HM13: variants seen among roughly 807,000 people sequenced by gnomAD.
HM13 encodes signal peptide peptidase.
HM13 carries 18 observed loss-of-function variants against 50.0 expected under a neutral mutation model. The observed-to-expected ratio is 0.36, with a 90% CI of 0.25 to 0.53. HM13 has a LOEUF of 0.53. Ranked by LOEUF, HM13 falls within the 20% of genes least tolerant of loss-of-function variation. HM13 has a pLI of 0.90. For synonymous variants in HM13, 197 were observed against 232.6 expected (o/e 0.85, Z 1.39); for missense variants, 393 against 552.4 (o/e 0.71, Z 2.89).
chr20:31,534,852 G>A (rs567853485), intron 2 of HM13, among the ~76,000 whole-genome samples: 11 of 152,174 alleles, frequency 7.2e-5, no homozygotes, highest in South Asian at 2.1e-4. Context: ...TTGGGAGGCC[G>A]AGGCGGGCAG....
intron 4 of HM13, chr20:31,547,412 G>A: frequency 2.2e-6 from 1 of 458,024 alleles, no homozygotes; most frequent in Non-Finnish European, 3.9e-6. Context: ...GGCAGGCCGC[G>A]TGGCGCCCGC....
intron 10 of HM13, among the ~76,000 whole-genome samples, chr20:31,565,567 AAAAGGAT>A (rs946879282): frequency 2.6e-5 from 4 of 151,922 alleles, no homozygotes; most frequent in Non-Finnish European, 1.5e-5. Flanking sequence ...CCTCCTCTGC[AAAAGGAT>A]AACCATCATG....
intron 8 of HM13, among the ~76,000 whole-genome samples, chr20:31,556,505 G>A (rs779297636): frequency 2.7e-4 from 41 of 152,158 alleles, no homozygotes; most frequent in Non-Finnish European, 5.6e-4. Flanking sequence ...GTGACACAGA[G>A]GCTTTCCCTG....
chr20:31,549,453 G>A (rs905703666), intron 6 of HM13, 121 bp downstream of exon 6: 76 of 1,268,300 alleles, frequency 6.0e-5, no homozygotes, highest in Admixed American at 3.6e-5. Context: ...CTGAAGTTCC[G>A]GACCGCAGAG....
In HM13 at chr20:31,568,065, C is replaced by G; in HGVS notation, c.1035-13C>G. The G allele has an allele frequency of 6.3e-7, 1 of 1,590,598 alleles. No individual in the cohort carries two copies. The highest frequency in any genetic ancestry group is 8.6e-7 in the Non-Finnish European group (1 of 1,166,832). On this transcript the variant is annotated splice_polypyrimidine_tract_variant and intron_variant, in intron 11 of 12. Transcript: ENST00000398174. ...ATCTCTTTTTTTCTGTCTCTTCTCTCTCTCTCACACAGCTACGAGTCCTCG... is the reference window on the plus strand; with the variant it reads ...ATCTCTTTTTTTCTGTCTCTTCTCTGTCTCTCACACAGCTACGAGTCCTCG...
At chr20:31,538,629 C>T in intron 3 of HM13, 1 of 1,198,302 alleles carries the variant, frequency 8.3e-7, no homozygotes, top group Non-Finnish European at 1.0e-6. Context: ...GCTCCTCACA[C>T]ATGATCGTGT....
chr20:31,518,756 G>T (rs1981961559), intron 1 of HM13, among the ~76,000 whole-genome samples: 1 of 152,088 alleles, frequency 6.6e-6, no homozygotes, highest in South Asian at 2.1e-4. Flanking sequence ...TACTCTGGAG[G>T]TTGAGGCGAG....
At chr20:31,553,551 A>C (rs1342040550) in intron 7 of HM13, among the ~76,000 whole-genome samples, 1 of 152,102 alleles carries the variant, frequency 6.6e-6, no homozygotes, top group East Asian at 1.9e-4. Flanking sequence ...GACAAAACTA[A>C]GGCAGGTAAG....
intron 4 of HM13, among the ~76,000 whole-genome samples, chr20:31,546,979 T>TC (rs1983759885): frequency 6.6e-6 from 1 of 152,072 alleles, no homozygotes; most frequent in African/African-American, 2.4e-5. Context: ...GTCTTCAAGG[T>TC]CCCAGGCCCT....
Position 31,568,044 on chromosome 20 carries a change from CT to C in HM13, c.1035-27del, listed in dbSNP as rs201719330. On this transcript the variant is annotated intron_variant, in intron 11 of 12. Coordinates refer to ENST00000398174, the MANE Select transcript of HM13 (RefSeq NM_178581.3). ...TCCCTTAGTCTTTCCCTATCCATCT[CT>C]TTTTTTCTGTCTCTTCTCTCTCTCT... 1.2e-3 allele frequency: 1,803 copies of C among 1,545,420 alleles called. 22 individuals are homozygous for C. In the African/African-American group the frequency reaches 0.022, roughly 19 times the overall value.
At chr20:31,552,317 G>T (rs1333366453) in intron 7 of HM13, among the ~76,000 whole-genome samples, 1 of 152,116 alleles carries the variant, frequency 6.6e-6, no homozygotes, top group East Asian at 1.9e-4. Context: ...AAGGTGCATG[G>T]AGGGGCCTGG....
intron 10 of HM13, 147 bp from the exon 11 acceptor site, chr20:31,566,063 C>T: frequency 1.8e-6 from 1 of 545,658 alleles, no homozygotes; most frequent in Non-Finnish European, 3.2e-6. Flanking sequence ...GTTAGGAGCC[C>T]TGGGTTCAGG....
chr20:31,515,671 C>G (rs6088440), intron 1 of HM13, among the ~76,000 whole-genome samples: 292 of 152,286 alleles, frequency 1.9e-3, no homozygotes, highest in Non-Finnish European at 3.3e-3. Context: ...AACATCTGTC[C>G]TATTGGATAA....
intron 2 of HM13, among the ~76,000 whole-genome samples, chr20:31,535,875 G>A (rs190911788): frequency 9.6e-4 from 146 of 152,302 alleles, no homozygotes; most frequent in African/African-American, 3.4e-3. Context: ...TTAAGGCGAG[G>A]TCCATAGCAC....
At chr20:31,544,520 C>A (rs540156981) in intron 3 of HM13, among the ~76,000 whole-genome samples, 2 of 152,278 alleles carry the variant, frequency 1.3e-5, no homozygotes, top group East Asian at 3.9e-4. Context: ...GTGGGGGTGA[C>A]TGTCAGGTCA....
rs771893336 is a variant in HM13 at position 31,568,199 on chromosome 20, C to T, written c.1156C>T (p.Arg386Trp). ...MQQKLAGPRR[R>W]RPQNPSAIYE... ...GCAGAAGCTAGCTGGCCCTCGCCGC[C>T]GGCGCCCGCAGAATCCCAGCGCCAT... Residue 386 changes from arginine to tryptophan, a missense_variant, in exon 12 of 13, where the codon CGG becomes TGG. Arg to Trp is a moderately radical substitution (Grantham distance 101). Coordinates refer to ENST00000398174, the MANE Select transcript of HM13 (RefSeq NM_178581.3). 4.3e-6 allele frequency: 7 copies of T among 1,612,926 alleles called. No homozygotes were observed. Among genetic ancestry groups the T allele is most frequent in the Middle Eastern group, 1.7e-4 (1 of 6,048 alleles).
chr20:31,530,928 A>G (rs748167558), intron 2 of HM13, among the ~76,000 whole-genome samples: 7 of 152,208 alleles, frequency 4.6e-5, no homozygotes, highest in Non-Finnish European at 8.8e-5. Context: ...CTCCAAAAAG[A>G]TTGTGCCATT....
At position 31,522,396 on chromosome 20, in the gene HM13, C is replaced by G. The variant is rs571865371; in HGVS notation, c.184-5088C>G. ...TGGCCAACATGGTGAAACCCCATCT[C>G]TACTAAAAATACAAAATTAGCTGGG... On this transcript the variant is annotated intron_variant, in intron 1 of 12. Coordinates refer to ENST00000398174, the MANE Select transcript of HM13 (RefSeq NM_178581.3). Among the ~76,000 whole-genome samples, 5 of 152,264 alleles carry G rather than the reference C, an allele frequency of 3.3e-5. No individual in the cohort carries two copies. In the South Asian group the frequency reaches 1.0e-3, roughly 32 times the overall value.
At chr20:31,561,792 A>G (rs1322147017) in intron 10 of HM13, 56 bp downstream of exon 10, 1 of 1,203,592 alleles carries the variant, frequency 8.3e-7, no homozygotes, top group Non-Finnish European at 1.2e-6. Flanking sequence ...AGAGGGACTT[A>G]CAGAGGGATT....
Sources: allele counts gnomAD v4.1 joint callset (sites outside exome capture counted in the v4.1 genomes callset), GRCh38; gene constraint gnomAD v4.1.1; transcripts MANE v1.5; gene names NCBI Gene and HGNC (gene_info 2026-07-23, HGNC 2026-07-21).